Variants in B3GLCT observed in about 807,000 individuals in gnomAD.
B3GLCT encodes the protein beta-1,3-glucosyltransferase.
A neutral mutation model predicts 63.4 loss-of-function variants in B3GLCT; 65 were observed. The ratio of observed to expected loss-of-function variants is 1.03; its 90% CI spans 0.84 to 1.26. B3GLCT has a LOEUF of 1.26. B3GLCT is among the 50% of genes most tolerant of loss of function. The pLI, the probability that B3GLCT is intolerant of heterozygous loss-of-function variation, is 0.00. For synonymous variants in B3GLCT, 233 were observed against 219.2 expected (o/e 1.06, Z -0.55); for missense variants, 577 against 604.8 (o/e 0.95, Z 0.48).
chr13:31,320,822 G>A (rs139115630), intron 13 of B3GLCT, among the ~76,000 whole-genome samples: 251 of 152,104 alleles, frequency 1.7e-3, no homozygotes, highest in African/African-American at 5.7e-3. Flanking sequence ...TACGACATTC[G>A]CTGGTCTCTG....
In B3GLCT at chr13:31,330,718, G is replaced by A. The variant is rs1265202123; in HGVS notation, c.*1050G>A. 1 of 151,734 alleles carries A rather than the reference G, an allele frequency of 6.6e-6. No homozygotes were observed. The highest frequency in any genetic ancestry group is 2.4e-5 in the African/African-American group (1 of 41,278). 9.4% of individuals were successfully genotyped at this position (151,734 alleles called of 1,614,324 possible). A position where few individuals can be genotyped will look rare whatever the true frequency, so the allele number is the denominator to read the frequency against. ...AATTATATCTTTAATATATAGTAAT[G>A]TAACATATTCAGTATTAATGTATAA... On this transcript the variant is annotated 3_prime_UTR_variant, in exon 15 of 15. Coordinates refer to ENST00000343307, the MANE Select transcript of B3GLCT (RefSeq NM_194318.4).
intron 6 of B3GLCT, among the ~76,000 whole-genome samples, chr13:31,254,175 T>A (rs1369364850): frequency 6.6e-6 from 1 of 152,186 alleles, no homozygotes; most frequent in African/African-American, 2.4e-5. Context: ...TAACTCATTT[T>A]ATGAGGCCAG....
chr13:31,260,873 A>G (rs1270056583), intron 6 of B3GLCT, 73 bp from the exon 7 acceptor site: 6 of 1,404,000 alleles, frequency 4.3e-6, no homozygotes, highest in African/African-American at 1.4e-5. Context: ...TCTGAAACCA[A>G]TAGTACCACC....
chr13:31,294,499 T>C (rs1277053530), intron 12 of B3GLCT, among the ~76,000 whole-genome samples: 4 of 152,210 alleles, frequency 2.6e-5, no homozygotes, highest in Non-Finnish European at 2.9e-5. Flanking sequence ...CTTGGAGGCT[T>C]TGTTCATTTT....
intron 4 of B3GLCT, among the ~76,000 whole-genome samples, chr13:31,245,160 C>T (rs2137801749): frequency 6.6e-6 from 1 of 152,176 alleles, no homozygotes; most frequent in East Asian, 1.9e-4. Flanking sequence ...AAACCTTTGC[C>T]TCCCACATTT....
chr13:31,265,475 G>A (rs1593283829), intron 7 of B3GLCT, among the ~76,000 whole-genome samples: 1 of 152,094 alleles, frequency 6.6e-6, no homozygotes, highest in Admixed American at 6.5e-5. Context: ...AGTTACTTAG[G>A]TGTTTCTTCT....
chr13:31,285,120 C>G (rs1349245168), intron 11 of B3GLCT, among the ~76,000 whole-genome samples: 2 of 152,084 alleles, frequency 1.3e-5, no homozygotes, highest in African/African-American at 4.8e-5. Context: ...TATTATATTA[C>G]CCGTGAGTAC....
intron 12 of B3GLCT, among the ~76,000 whole-genome samples, chr13:31,297,025 G>GTT (rs79964378): frequency 0.014 from 2,062 of 142,628 alleles, 23 homozygotes; most frequent in Non-Finnish European, 0.023. Context: ...TACAGTACTT[G>GTT]TTTTTTTTTT....
At chr13:31,227,834 TG>T (rs1246481931) in intron 3 of B3GLCT, among the ~76,000 whole-genome samples, 1 of 152,208 alleles carries the variant, frequency 6.6e-6, no homozygotes, top group Non-Finnish European at 1.5e-5. Context: ...AGATTCATGG[TG>T]GGGGAAAGGT....
chr13:31,283,270 T>A (rs1351285488), intron 10 of B3GLCT: 1 of 152,216 alleles, frequency 6.6e-6, no homozygotes, highest in African/African-American at 2.4e-5. Flanking sequence ...CAGTGTGAAC[T>A]TTTAGTGGCT....
intron 1 of B3GLCT, among the ~76,000 whole-genome samples, chr13:31,213,621 ACCCC>A (rs71099943): frequency 3.6e-5 from 2 of 55,014 alleles, no homozygotes; most frequent in East Asian, 3.0e-3. Flanking sequence ...CCCCCACCCC[ACCCC>A]CCCCCCCCGC....
At position 31,316,450 on chromosome 13, in the gene B3GLCT, C is replaced by T. The variant is rs374361533; in HGVS notation, c.1065-1116C>T. 8.1e-4 allele frequency among the ~76,000 whole-genome samples: 30 copies of T among 37,132 alleles called. No homozygotes were observed. The South Asian group carries it at 0.016, about 20-fold the overall frequency. 24.4% of individuals were successfully genotyped at this position (37,132 alleles called of 152,430 possible). On this transcript the variant is annotated intron_variant, in intron 12 of 14. Transcript: ENST00000343307. The stretch of plus-strand genomic sequence containing the variant: ...ATATATAAATTTTTTTTTTTTGAGA[C>T]GGAGTTTCGCTCTTGTCACCCAGGC...
chr13:31,213,929 C>T (rs764768556), intron 1 of B3GLCT, among the ~76,000 whole-genome samples: 4 of 152,100 alleles, frequency 2.6e-5, no homozygotes, highest in African/African-American at 9.6e-5. Flanking sequence ...GAAATGGAAA[C>T]GATGAAACCA....
chr13:31,282,455 C>T (rs1369300657), intron 10 of B3GLCT, among the ~76,000 whole-genome samples: 3 of 151,902 alleles, frequency 2.0e-5, no homozygotes, highest in African/African-American at 4.8e-5. Context: ...CTGGCTAACA[C>T]GGTGAAACCC....
At chr13:31,265,438 C>T (rs913994615) in intron 7 of B3GLCT, among the ~76,000 whole-genome samples, 67 of 152,134 alleles carry the variant, frequency 4.4e-4, no homozygotes, top group African/African-American at 1.5e-3. Context: ...CTTTACGGCC[C>T]ACATTGTAGG....
intron 4 of B3GLCT, among the ~76,000 whole-genome samples, chr13:31,241,398 C>T (rs1870935679): frequency 6.6e-6 from 1 of 152,212 alleles, no homozygotes; most frequent in Non-Finnish European, 1.5e-5. Flanking sequence ...AGTGCAAAGC[C>T]AGCACATGCA....
Position 31,247,927 on chromosome 13 carries a change from A to G in B3GLCT, c.420A>G (p.Pro140=). 1 of 1,610,814 alleles carries G rather than the reference A, an allele frequency of 6.2e-7. No homozygotes were observed. The highest frequency in any genetic ancestry group is 8.5e-7 in the Non-Finnish European group (1 of 1,177,196). ...FCEEETRIQI[P]KLLETLRRYD... Reference sequence around the variant, plus strand: ...AAGAAGAGACAAGAATACAGATTCCAAAACTCTTGGAAACCCTCAGAAGAT... The same window carrying G: ...AAGAAGAGACAAGAATACAGATTCCGAAACTCTTGGAAACCCTCAGAAGAT... Residue 140 remains proline, a synonymous_variant, in exon 6 of 15, where the codon CCA becomes CCG. Transcript: ENST00000343307.
intron 6 of B3GLCT, among the ~76,000 whole-genome samples, chr13:31,257,453 A>T (rs1323543348): frequency 6.6e-6 from 1 of 151,966 alleles, no homozygotes; most frequent in African/African-American, 2.4e-5. Context: ...CCCAGTAATG[A>T]TTTAATATAC....
intron 3 of B3GLCT, among the ~76,000 whole-genome samples, chr13:31,223,596 C>A (rs1869940573): frequency 6.6e-6 from 1 of 152,160 alleles, no homozygotes; most frequent in Non-Finnish European, 1.5e-5. Flanking sequence ...TTGTAAGTAT[C>A]TTCAGAAATG....
Sources: allele counts gnomAD v4.1 joint callset (sites outside exome capture counted in the v4.1 genomes callset), GRCh38; gene constraint gnomAD v4.1.1; transcripts MANE v1.5; gene names NCBI Gene and HGNC (gene_info 2026-07-23, HGNC 2026-07-21).